Variants in YARS1 observed in about 807,000 individuals in gnomAD.
YARS1 encodes the protein tyrosyl-tRNA synthetase 1.
A neutral mutation model predicts 62.2 loss-of-function variants in YARS1; 36 were observed. The ratio of observed to expected loss-of-function variants is 0.58; its 90% CI spans 0.44 to 0.76. YARS1 has a LOEUF of 0.76. Ranked by LOEUF, YARS1 falls within the 30% of genes least tolerant of loss-of-function variation. YARS1 has a pLI of 0.00. For synonymous variants in YARS1, 234 were observed against 244.9 expected (o/e 0.96, Z 0.42); for missense variants, 524 against 639.8 (o/e 0.82, Z 1.95).
chr1:32,788,796 G>T (rs561327165), intron 6 of YARS1, among the ~76,000 whole-genome samples: 2 of 152,176 alleles, frequency 1.3e-5, no homozygotes, highest in African/African-American at 4.8e-5. Context: ...CAAACTCCTG[G>T]CCTCTAGCAA....
chr1:32,816,871 C>T, intron 1 of YARS1: 2 of 540,354 alleles, frequency 3.7e-6, no homozygotes, highest in East Asian at 3.2e-5. Context: ...CTCTGGCAGG[C>T]CCTTGACGTA....
In YARS1 at chr1:32,780,244, A is replaced by T. The variant is rs749411607; in HGVS notation, c.1175T>A (p.Ile392Asn). ...CCGTGGTTCAGCTTCCCCCACGTCA[A>T]TCTTCTCTACATACAGGCTGTCTGC... ...PDADSLYVEKIDVGEAEPRTV... is the reference protein window; with the variant it reads ...PDADSLYVEKNDVGEAEPRTV... Residue 392 changes from isoleucine (I) to asparagine (N), a missense_variant, in exon 11 of 13, where the codon ATT (isoleucine) becomes AAT (asparagine). Coordinates refer to ENST00000373477, the MANE Select transcript of YARS1 (RefSeq NM_003680.4). The T allele has an allele frequency of 1.9e-6, 3 of 1,613,982 alleles. No individual in the cohort carries two copies. In the African/African-American group the frequency reaches 4.0e-5, roughly 22 times the overall value.
chr1:32,780,468 C>T, intron 10 of YARS1, 190 bp from the exon 11 acceptor site: 1 of 641,170 alleles, frequency 1.6e-6, no homozygotes. Context: ...ACTCTGCTCT[C>T]AACTGAGGCC....
At chr1:32,780,330 A>G in intron 10 of YARS1, 52 bp from the exon 11 acceptor site, 1 of 1,607,008 alleles carries the variant, frequency 6.2e-7, no homozygotes, top group Non-Finnish European at 8.5e-7. Flanking sequence ...TTAGAGAAGC[A>G]GCCTGGTGAA....
chr1:32,810,268 G>A (rs1326129341), intron 3 of YARS1, among the ~76,000 whole-genome samples: 1 of 152,126 alleles, frequency 6.6e-6, no homozygotes, highest in Non-Finnish European at 1.5e-5. Context: ...ATTATTATTT[G>A]CTGAGGCTGG....
chr1:32,779,465 C>G lies in YARS1; in HGVS notation c.1393G>C (p.Glu465Gln). ...LDPPAGSAPG[E>Q]HVFVKGYEKG... ...TCATAGCCCTTCACAAACACGTGCTCACCAGGAGCAGAGCCTGCCGGAGGG... is the reference window on the plus strand; with the variant it reads ...TCATAGCCCTTCACAAACACGTGCTGACCAGGAGCAGAGCCTGCCGGAGGG... The change falls in exon 12 of 13, where the codon GAG (glutamate) becomes CAG (glutamine). Residue 465 changes from glutamate (E) to glutamine (Q), a missense_variant. Transcript: ENST00000373477. 6.2e-7 allele frequency: 1 copy of G among 1,614,216 alleles called. No individual in the cohort carries two copies. The highest frequency in any genetic ancestry group is 1.1e-5 in the South Asian group (1 of 91,084).
intron 4 of YARS1, among the ~76,000 whole-genome samples, chr1:32,804,782 C>T (rs1470832479): frequency 6.6e-6 from 1 of 151,728 alleles, no homozygotes; most frequent in African/African-American, 2.4e-5. Flanking sequence ...CCTCACATCC[C>T]AGACGATGGG....
chr1:32,778,331 G>A (rs1041120536), intron 12 of YARS1, among the ~76,000 whole-genome samples: 6 of 152,212 alleles, frequency 3.9e-5, no homozygotes, highest in Non-Finnish European at 8.8e-5. Flanking sequence ...AAGGCAAGGA[G>A]ACAATGAGTG....
At chr1:32,796,881 C>T (rs1653599632) in intron 5 of YARS1, among the ~76,000 whole-genome samples, 1 of 139,526 alleles carries the variant, frequency 7.2e-6, no homozygotes, top group Admixed American at 7.5e-5. Flanking sequence ...AGGAGAATCG[C>T]TTGAACCCGG....
At chr1:32,816,452 T>G (rs1359654477) in intron 1 of YARS1, among the ~76,000 whole-genome samples, 1 of 152,180 alleles carries the variant, frequency 6.6e-6, no homozygotes, top group Non-Finnish European at 1.5e-5. Context: ...GTTTGTTATT[T>G]AAATAAAGTG....
intron 4 of YARS1, among the ~76,000 whole-genome samples, chr1:32,804,452 C>T (rs1339485578): frequency 1.2e-4 from 18 of 151,114 alleles, no homozygotes; most frequent in African/African-American, 4.4e-4. Context: ...GGCTGCCGGG[C>T]GGAGACGCTC....
At chr1:32,807,488 ACT>A (rs1288583553) in intron 3 of YARS1, among the ~76,000 whole-genome samples, 3 of 151,142 alleles carry the variant, frequency 2.0e-5, no homozygotes, top group African/African-American at 7.3e-5. Flanking sequence ...ACAGGGTCTC[ACT>A]CTGTCACCTG....
At chr1:32,796,171 T>A (rs1470573340) in intron 5 of YARS1, among the ~76,000 whole-genome samples, 1 of 151,956 alleles carries the variant, frequency 6.6e-6, no homozygotes, top group Non-Finnish European at 1.5e-5. Flanking sequence ...GGCAGGCACC[T>A]GTAATCCCAG....
At chr1:32,780,622 A>G (rs901414554) in intron 10 of YARS1, 4 of 420,616 alleles carry the variant, frequency 9.5e-6, no homozygotes, top group Non-Finnish European at 1.8e-5. Context: ...GTCGAAGGGA[A>G]AAAAAGCCCA....
Position 32,804,579 on chromosome 1 carries a change from C to A in YARS1, c.510+1903G>T, listed in dbSNP as rs189500574. 9.1e-3 allele frequency among the ~76,000 whole-genome samples: 1,375 copies of A among 151,460 alleles called. 27 individuals carry two copies. The highest frequency in any genetic ancestry group is 0.031 in the African/African-American group (1,299 of 41,244). ...GGGGTGGCGGTCGGGCAGAGACACT[C>A]CTCAGTTCCCAGACCGGGTCGCGGC... On this transcript the variant is annotated intron_variant, in intron 4 of 12. Transcript: ENST00000373477.
At chr1:32,817,089 C>A in intron 1 of YARS1, 99 bp downstream of exon 1, 3 of 1,483,268 alleles carry the variant, frequency 2.0e-6, no homozygotes, top group South Asian at 2.3e-5. Flanking sequence ...AGCGCCGAGT[C>A]CCCGGCCCCA....
At chr1:32,801,974 G>T in intron 4 of YARS1, among the ~76,000 whole-genome samples, 1 of 131,184 alleles carries the variant, frequency 7.6e-6, no homozygotes. Context: ...TTGAGACGGA[G>T]TCTCGCTCTG....
chr1:32,791,329 T>G, intron 5 of YARS1, 75 bp from the exon 6 acceptor site: 1 of 1,205,756 alleles, frequency 8.3e-7, no homozygotes, highest in South Asian at 1.2e-5. Flanking sequence ...TCATCTGACT[T>G]GGCCAGCAAC....
chr1:32,815,685 T>C (rs1307214334), intron 1 of YARS1, among the ~76,000 whole-genome samples: 1 of 152,236 alleles, frequency 6.6e-6, no homozygotes, highest in African/African-American at 2.4e-5. Flanking sequence ...ACATATTGTA[T>C]GATTCTAGTT....
Sources: allele counts gnomAD v4.1 joint callset (sites outside exome capture counted in the v4.1 genomes callset), GRCh38; gene constraint gnomAD v4.1.1; transcripts MANE v1.5; gene names NCBI Gene and HGNC (gene_info 2026-07-23, HGNC 2026-07-21).